Variants in NEDD4L observed in about 807,000 individuals in gnomAD.
NEDD4L encodes NEDD4 like E3 ubiquitin protein ligase.
Under a neutral mutation model 148.9 loss-of-function variants are expected in NEDD4L, and 54 were observed. The ratio of observed to expected loss-of-function variants is 0.36; its 90% CI spans 0.29 to 0.45. The LOEUF is 0.45. Ranked by LOEUF, NEDD4L falls within the 20% of genes least tolerant of loss-of-function variation. The probability of loss-of-function intolerance (pLI) is 1.00; values close to 1 mark genes in which losing one functional copy is unlikely to be tolerated. For missense variants in NEDD4L, 856 were observed against 1,233.8 expected, an observed-to-expected ratio of 0.69 and a Z score of 4.59; for synonymous variants, 433 against 440.7, an observed-to-expected ratio of 0.98 and a Z score of 0.22.
chr18:58,208,482 G>T (rs139061825), intron 2 of NEDD4L, among the ~76,000 whole-genome samples: 4 of 152,318 alleles, frequency 2.6e-5, no homozygotes, highest in African/African-American at 9.6e-5. Flanking sequence ...GAGCATAAAT[G>T]AATGTGATTT....
At chr18:58,312,519 A>G (rs2057814337) in intron 5 of NEDD4L, among the ~76,000 whole-genome samples, 1 of 152,202 alleles carries the variant, frequency 6.6e-6, no homozygotes, top group Admixed American at 6.5e-5. Flanking sequence ...TCCGGGGCCC[A>G]CAGGCAGGAT....
intron 17 of NEDD4L, among the ~76,000 whole-genome samples, chr18:58,350,214 A>G (rs189094672): frequency 7.4e-4 from 112 of 152,278 alleles, no homozygotes; most frequent in African/African-American, 2.6e-3. Context: ...CTCCAAGGCT[A>G]TTTTTAAATG....
intron 1 of NEDD4L, among the ~76,000 whole-genome samples, chr18:58,149,814 A>G (rs2146282039): frequency 6.6e-6 from 1 of 152,372 alleles, no homozygotes; most frequent in African/African-American, 2.4e-5. Flanking sequence ...GCTTTGGGAA[A>G]CAAATTAAGA....
chr18:58,317,445 G>A (rs761264176), intron 6 of NEDD4L, among the ~76,000 whole-genome samples: 11 of 152,238 alleles, frequency 7.2e-5, no homozygotes, highest in Middle Eastern at 6.8e-3. Flanking sequence ...TTTTATGGAC[G>A]TCTCCAGCCA....
intron 1 of NEDD4L, among the ~76,000 whole-genome samples, chr18:58,101,041 A>G (rs2084724082): frequency 6.6e-6 from 1 of 152,170 alleles, no homozygotes; most frequent in Non-Finnish European, 1.5e-5. Context: ...CCTGGGCTCA[A>G]GGGATCCTCC....
intron 2 of NEDD4L, among the ~76,000 whole-genome samples, chr18:58,179,046 A>G (rs533054213): frequency 2.6e-5 from 4 of 152,336 alleles, no homozygotes; most frequent in African/African-American, 9.6e-5. Flanking sequence ...TCTCTCTGAC[A>G]CTGACTTGAA....
At chr18:58,314,749 G>T (rs964402904) in intron 5 of NEDD4L, among the ~76,000 whole-genome samples, 3 of 152,182 alleles carry the variant, frequency 2.0e-5, no homozygotes, top group Admixed American at 2.0e-4. Context: ...TACCCAAACC[G>T]TGGTAACTTT....
chr18:58,140,679 G>A (rs2033404225), intron 1 of NEDD4L, among the ~76,000 whole-genome samples: 1 of 152,244 alleles, frequency 6.6e-6, no homozygotes, highest in South Asian at 2.1e-4. Context: ...ATAACGTGGT[G>A]TATTTGCAGT....
intron 5 of NEDD4L, among the ~76,000 whole-genome samples, chr18:58,265,756 G>T (rs1026255664): frequency 6.6e-6 from 1 of 152,036 alleles, no homozygotes; most frequent in Non-Finnish European, 1.5e-5. Context: ...AGAGATGGGG[G>T]TCTTACTATG....
intron 5 of NEDD4L, among the ~76,000 whole-genome samples, chr18:58,257,210 A>G (rs780431143): frequency 6.6e-6 from 1 of 152,152 alleles, no homozygotes; most frequent in Non-Finnish European, 1.5e-5. Flanking sequence ...AAAGGGGAGG[A>G]TATTGCAAAG....
chr18:58,048,669 G>T (rs1024345117), intron 1 of NEDD4L, among the ~76,000 whole-genome samples: 1 of 152,152 alleles, frequency 6.6e-6, no homozygotes, highest in African/African-American at 2.4e-5. Flanking sequence ...TGGCTGCTGG[G>T]CCCGATTTGA....
chr18:58,369,445 C>T (rs1370696926), intron 22 of NEDD4L, among the ~76,000 whole-genome samples: 3 of 46,268 alleles, frequency 6.5e-5, no homozygotes, highest in East Asian at 5.0e-4. Flanking sequence ...ATGTCCCTGT[C>T]GGCAGGGCTC....
intron 5 of NEDD4L, among the ~76,000 whole-genome samples, chr18:58,278,047 C>T (rs28426970): frequency 0.037 from 5,667 of 152,020 alleles, 332 homozygotes; most frequent in African/African-American, 0.13. Flanking sequence ...GGCTTGTTTT[C>T]GCCTTCCGTG....
At position 58,362,121 on chromosome 18, in the gene NEDD4L, C is replaced by T. The variant is rs556543281; in HGVS notation, c.1768-2147C>T. ...AAGGCTTGAAATATCTCAACATTTC[C>T]GCCCACACCTCCTCAGCCCCTGCCA... is the stretch of plus-strand genomic sequence containing the variant. On this transcript the variant is annotated intron_variant, in intron 19 of 30. Transcript: ENST00000400345. Among the ~76,000 whole-genome samples, 25 of 152,292 alleles carry T rather than the reference C, an allele frequency of 1.6e-4. No individual in the cohort carries two copies. The South Asian group carries it at 4.6e-3, about 28-fold the overall frequency.
chr18:58,228,545 C>G (rs1167201116), intron 2 of NEDD4L, among the ~76,000 whole-genome samples: 6 of 152,176 alleles, frequency 3.9e-5, no homozygotes, highest in African/African-American at 1.4e-4. Context: ...GAGGCATAGG[C>G]TATTTGATTA....
intron 1 of NEDD4L, among the ~76,000 whole-genome samples, chr18:58,085,986 T>C (rs1486035659): frequency 2.0e-5 from 3 of 152,188 alleles, no homozygotes; most frequent in Non-Finnish European, 4.4e-5. Flanking sequence ...TAATTATTAT[T>C]TTGAGTTTTA....
chr18:58,343,800 GTTCT>G (rs1482096710), intron 16 of NEDD4L, among the ~76,000 whole-genome samples: 1 of 152,018 alleles, frequency 6.6e-6, no homozygotes, highest in Non-Finnish European at 1.5e-5. Flanking sequence ...TTCTGTGTCA[GTTCT>G]TTATTTCTTT....
intron 5 of NEDD4L, among the ~76,000 whole-genome samples, chr18:58,306,018 G>C (rs2057015637): frequency 6.6e-6 from 1 of 152,214 alleles, no homozygotes; most frequent in Non-Finnish European, 1.5e-5. Context: ...CATGGTGTAT[G>C]ATTCAAGAAG....
In NEDD4L at chr18:58,109,217, G is replaced by A. The variant is rs116871842; in HGVS notation, c.49-56571G>A. 5.7e-3 allele frequency among the ~76,000 whole-genome samples: 871 copies of A among 152,274 alleles called. 8 individuals are homozygous for A. The highest frequency in any genetic ancestry group is 9.1e-3 in the Non-Finnish European group (617 of 68,004). On this transcript the variant is annotated intron_variant, in intron 1 of 30. Transcript: ENST00000400345. ...CCAGGCAGGCGGGAAGCCCAGGAGGGCGTGATAAGTGCTACAATTCAGGTG... is the reference window on the plus strand; with the variant it reads ...CCAGGCAGGCGGGAAGCCCAGGAGGACGTGATAAGTGCTACAATTCAGGTG...
Sources: gnomAD v4.1 joint callset for allele counts (sites outside exome capture counted in the v4.1 genomes callset) on GRCh38, gnomAD v4.1.1 for gene constraint, MANE v1.5 for transcripts, NCBI Gene and HGNC (gene_info 2026-07-23, HGNC 2026-07-21) for gene names.